SEPTIN9: variants seen among roughly 807,000 people sequenced by gnomAD.
SEPTIN9 encodes septin 9.
A neutral mutation model predicts 56.6 loss-of-function variants in SEPTIN9; 13 were observed. That is an observed-to-expected ratio of 0.23 (90% confidence interval 0.15 to 0.37). SEPTIN9 has a LOEUF of 0.37. Ranked by LOEUF, SEPTIN9 falls within the 10% of genes least tolerant of loss-of-function variation. The pLI, the probability that SEPTIN9 is intolerant of heterozygous loss-of-function variation, is 1.00. For missense variants in SEPTIN9, 650 were observed against 823.1 expected (o/e 0.79, Z 2.57); for synonymous variants, 332 against 334.1 (o/e 0.99, Z 0.07).
At chr17:77,426,679 G>C (rs1479603652) in intron 3 of SEPTIN9, among the ~76,000 whole-genome samples, 1 of 152,200 alleles carries the variant, frequency 6.6e-6, no homozygotes, top group African/African-American at 2.4e-5. Context: ...CTGCCATCTT[G>C]GAGAGGCCTC....
At chr17:77,333,688 T>C (rs2033443869) in intron 2 of SEPTIN9, among the ~76,000 whole-genome samples, 1 of 152,268 alleles carries the variant, frequency 6.6e-6, no homozygotes, top group Admixed American at 6.5e-5. Flanking sequence ...TATGTTTTCC[T>C]TTAGAAGGCT....
Position 77,450,736 on chromosome 17 carries a change from CA to C in SEPTIN9, c.722-31407del. On this transcript the variant is annotated intron_variant, in intron 3 of 11. Coordinates refer to ENST00000427177, the MANE Select transcript of SEPTIN9 (RefSeq NM_001113491.2). The surrounding 1 kb of genome is among the most constrained non-coding windows in gnomAD (Gnocchi z 6.0). ...CCAGGGGCTGGAGAGGCTGGAGAGG[CA>C]GGAGCTGGATCAGATCTGAATCCAG... The C allele has an allele frequency of 1.0e-6, 1 of 986,256 alleles. No individual in the cohort carries two copies. Among genetic ancestry groups the C allele is most frequent in the Non-Finnish European group, 1.2e-6 (1 of 830,692 alleles). 61.1% of individuals were successfully genotyped at this position (986,256 alleles called of 1,614,324 possible).
chr17:77,493,324 G>T, intron 10 of SEPTIN9: 1 of 533,304 alleles, frequency 1.9e-6, no homozygotes, highest in Non-Finnish European at 3.4e-6. Context: ...ACAGGAGCTG[G>T]GATGGGGGCC....
At chr17:77,478,446 G>T (rs1466209216) in intron 3 of SEPTIN9, among the ~76,000 whole-genome samples, 2 of 152,180 alleles carry the variant, frequency 1.3e-5, no homozygotes, top group Non-Finnish European at 2.9e-5. Context: ...ATTCATAGCG[G>T]CTCTGTTCAC....
chr17:77,377,121 A>G (rs2034957575), intron 2 of SEPTIN9: 1 of 152,172 alleles, frequency 6.6e-6, no homozygotes, highest in Non-Finnish European at 1.5e-5. Flanking sequence ...TCAAGGTTTT[A>G]GGGCTCTGTG....
At chr17:77,419,656 AG>A (rs2036627275) in intron 3 of SEPTIN9, 1 of 152,018 alleles carries the variant, frequency 6.6e-6, no homozygotes, top group Admixed American at 6.5e-5. Flanking sequence ...GTCTAACTGC[AG>A]GCCTGCCTTA....
chr17:77,356,439 G>A (rs1201002391), intron 2 of SEPTIN9, among the ~76,000 whole-genome samples: 2 of 151,736 alleles, frequency 1.3e-5, no homozygotes, highest in African/African-American at 2.4e-5. Context: ...CTGCCTGGGA[G>A]CCTTGGGCAG....
rs375656845 is a variant in SEPTIN9, at chr17:77,433,366, G to T, written c.721+30663G>T. Among the ~76,000 whole-genome samples the T allele has an allele frequency of 6.6e-6, 1 of 151,874 alleles. No homozygotes were observed. The highest frequency in any genetic ancestry group is 1.5e-5 in the Non-Finnish European group (1 of 68,006). On this transcript the variant is annotated intron_variant, in intron 3 of 11. Transcript: ENST00000427177. The surrounding 1 kb of genome is among the most constrained non-coding windows in gnomAD (Gnocchi z 6.4). Reference sequence around the variant, plus strand: ...GCCCCAAGGAGCAGAAAGGGGGTTCGCTAGGTCAGGGTGGGGCTGGGTGCG... The same window carrying T: ...GCCCCAAGGAGCAGAAAGGGGGTTCTCTAGGTCAGGGTGGGGCTGGGTGCG...
intron 2 of SEPTIN9, among the ~76,000 whole-genome samples, chr17:77,391,029 G>A (rs949392782): frequency 2.0e-5 from 3 of 152,220 alleles, no homozygotes; most frequent in African/African-American, 7.2e-5. Flanking sequence ...GAGAAGGGCC[G>A]GCGGAGGCTG....
At chr17:77,460,578 G>C (rs1452798621) in intron 3 of SEPTIN9, among the ~76,000 whole-genome samples, 1 of 152,162 alleles carries the variant, frequency 6.6e-6, no homozygotes, top group Non-Finnish European at 1.5e-5. Context: ...GAGGGCTTGG[G>C]CCTCTTCCAG....
At chr17:77,372,253 C>A (rs893103163) in intron 2 of SEPTIN9, among the ~76,000 whole-genome samples, 1 of 152,114 alleles carries the variant, frequency 6.6e-6, no homozygotes, top group African/African-American at 2.4e-5. Flanking sequence ...CTTTCCAGGG[C>A]GAGTGGAAGA....
chr17:77,452,007 CG>C (rs1954236699), intron 3 of SEPTIN9, among the ~76,000 whole-genome samples: 1 of 152,188 alleles, frequency 6.6e-6, no homozygotes. Flanking sequence ...TCTCAATGCT[CG>C]AAATGCCGTA....
chr17:77,464,939 C>G (rs543389227), intron 3 of SEPTIN9, among the ~76,000 whole-genome samples: 11 of 152,284 alleles, frequency 7.2e-5, no homozygotes, highest in African/African-American at 2.6e-4. Flanking sequence ...CGCCATTAAT[C>G]CCAGCACATT....
intron 3 of SEPTIN9, among the ~76,000 whole-genome samples, chr17:77,460,014 T>C (rs751242323): frequency 3.9e-5 from 6 of 152,042 alleles, no homozygotes; most frequent in Non-Finnish European, 8.8e-5. Flanking sequence ...CCGGACTTTG[T>C]GACCGTGGGG....
chr17:77,367,937 G>A lies in SEPTIN9; in HGVS notation c.77-34122G>A, dbSNP rs1414755240. 6.6e-6 allele frequency among the ~76,000 whole-genome samples: 1 copy of A among 152,214 alleles called. No individual in the cohort carries two copies. Among genetic ancestry groups the A allele is most frequent in the East Asian group, 1.9e-4 (1 of 5,206 alleles). On this transcript the variant is annotated intron_variant, in intron 2 of 11. Transcript: ENST00000427177. This position sits in a 1 kb window ranked among gnomAD's most constrained non-coding sequence, Gnocchi z 4.5. ...TACTCTCAATTGCTCAAATGTGGAAGGAATGGATATACAAAGTGTGTGTAC... is the reference window on the plus strand; with the variant it reads ...TACTCTCAATTGCTCAAATGTGGAAAGAATGGATATACAAAGTGTGTGTAC...
chr17:77,413,450 C>T (rs762634206), intron 3 of SEPTIN9, among the ~76,000 whole-genome samples: 7 of 152,092 alleles, frequency 4.6e-5, no homozygotes, highest in Admixed American at 2.6e-4. Context: ...TGCTTTAGCT[C>T]GCTTAGTGAG....
chr17:77,297,029 G>C (rs760519211), intron 1 of SEPTIN9, among the ~76,000 whole-genome samples: 2 of 152,140 alleles, frequency 1.3e-5, no homozygotes. Context: ...TGGATGGGTG[G>C]GTAGATAGGC....
intron 2 of SEPTIN9, among the ~76,000 whole-genome samples, chr17:77,355,826 C>T (rs966912122): frequency 1.3e-5 from 2 of 150,594 alleles, no homozygotes; most frequent in Non-Finnish European, 1.5e-5. Context: ...ACTAAAAATA[C>T]AAAAAATTAG....
At position 77,478,285 on chromosome 17, in the gene SEPTIN9, C is replaced by T. The variant is rs568584476; in HGVS notation, c.722-3859C>T. 4.3e-4 allele frequency among the ~76,000 whole-genome samples: 66 copies of T among 152,090 alleles called. 1 individual carries two copies. Among genetic ancestry groups the T allele is most frequent in the Admixed American group, 3.4e-3 (52 of 15,294 alleles). ...TTCCTCAGTTGGACTAGCTCAGTGT[C>T]AAGTGCTCAGAAGTCACTTGTGAAC... On this transcript the variant is annotated intron_variant, in intron 3 of 11. Transcript: ENST00000427177.
Sources: allele counts gnomAD v4.1 joint callset (sites outside exome capture counted in the v4.1 genomes callset), GRCh38; gene constraint gnomAD v4.1.1; non-coding constraint Gnocchi (gnomAD v3.1); transcripts MANE v1.5; gene names NCBI Gene and HGNC (gene_info 2026-07-23, HGNC 2026-07-21).